The following ATRNL1 variants were observed in gnomAD, a reference collection of about 807,000 sequenced individuals.
The protein encoded by ATRNL1 is attractin like 1, also known as attractin-like protein 1.
ATRNL1 carries 95 observed loss-of-function variants against 182.7 expected under a neutral mutation model. That is an observed-to-expected ratio of 0.52 (90% CI 0.44 to 0.62). The LOEUF is 0.62. ATRNL1 is among the 20% of genes least tolerant of loss of function. The probability of loss-of-function intolerance (pLI) is 0.00; values close to 1 mark genes in which losing one functional copy is unlikely to be tolerated. For synonymous variants in ATRNL1, 576 were observed against 568.3 expected, an observed-to-expected ratio of 1.01 and a Z score of -0.19; for missense variants, 1,471 against 1,679.5, an observed-to-expected ratio of 0.88 and a Z score of 2.17.
At chr10:115,937,568 G>A (rs951921115) in intron 28 of ATRNL1, among the ~76,000 whole-genome samples, 2 of 152,202 alleles carry the variant, frequency 1.3e-5, no homozygotes, top group Non-Finnish European at 2.9e-5. Flanking sequence ...GCATATTGGC[G>A]AGGGTGGCCA....
intron 26 of ATRNL1, among the ~76,000 whole-genome samples, chr10:115,646,812 A>G (rs910118916): frequency 1.1e-4 from 17 of 151,750 alleles, no homozygotes; most frequent in African/African-American, 3.9e-4. Context: ...TTTTTATTAT[A>G]CTTTAAGTTC....
intron 21 of ATRNL1, among the ~76,000 whole-genome samples, chr10:115,459,636 C>A (rs1435875498): frequency 6.6e-6 from 1 of 152,142 alleles, no homozygotes; most frequent in East Asian, 1.9e-4. Context: ...ACTTCATTAG[C>A]AATTTTAATT....
chr10:115,565,507 T>G (rs1854022387), intron 26 of ATRNL1, among the ~76,000 whole-genome samples: 1 of 152,110 alleles, frequency 6.6e-6, no homozygotes, highest in Non-Finnish European at 1.5e-5. Flanking sequence ...GTTATTGTGT[T>G]GAGTAATGGT....
At position 115,944,973 on chromosome 10, in the gene ATRNL1, G is replaced by A; in HGVS notation, c.*194G>A. The A allele has an allele frequency of 2.0e-6, 1 of 492,034 alleles. No individual in the cohort carries two copies. The allele number at this position is 492,034 out of a possible 1,614,324, so 30.5% of individuals were successfully genotyped here. ...TTTTATAAAAGTATTGATGGTCACA[G>A]GTGATAAAGTCAGTTTTTACCACTA... On this transcript the variant is annotated 3_prime_UTR_variant, in exon 29 of 29. Coordinates refer to ENST00000355044, the MANE Select transcript of ATRNL1 (RefSeq NM_207303.4).
At chr10:115,867,730 A>AT (rs59623583) in intron 28 of ATRNL1, among the ~76,000 whole-genome samples, 75,686 of 138,048 alleles carry the variant, frequency 0.55, 20,679 homozygotes, top group East Asian at 0.74. Flanking sequence ...CACCCTGTGA[A>AT]TTTTTTTTTT....
intron 8 of ATRNL1, among the ~76,000 whole-genome samples, chr10:115,172,787 C>G (rs180899902): frequency 3.3e-5 from 5 of 151,752 alleles, no homozygotes; most frequent in Admixed American, 3.3e-4. Context: ...TCTAGCCCTA[C>G]CCATACTTCT....
Position 115,150,860 on chromosome 10 carries a change from C to T in ATRNL1, c.830-9180C>T, listed in dbSNP as rs1846192579. ...TTTACATTAGGTATATCTCCTAATG[C>T]TATCCCTCCCTGCTCCCCCCACCCC... On this transcript the variant is annotated intron_variant, in intron 5 of 28. Coordinates refer to ENST00000355044, the MANE Select transcript of ATRNL1 (RefSeq NM_207303.4). Among the ~76,000 whole-genome samples, 3 of 152,138 alleles carry T rather than the reference C, an allele frequency of 2.0e-5. No individual in the cohort carries two copies. In the South Asian group the frequency reaches 6.2e-4, roughly 31 times the overall value.
intron 26 of ATRNL1, among the ~76,000 whole-genome samples, chr10:115,592,800 T>G (rs1461800205): frequency 6.6e-6 from 1 of 152,226 alleles, no homozygotes; most frequent in Non-Finnish European, 1.5e-5. Flanking sequence ...AAAACATAAT[T>G]GCTTTTGTTG....
chr10:115,600,215 GT>G (rs1163671313), intron 26 of ATRNL1, among the ~76,000 whole-genome samples: 1 of 135,022 alleles, frequency 7.4e-6, no homozygotes, highest in Non-Finnish European at 1.6e-5. Context: ...TGTTATGAAT[GT>G]TTGTTTAGAA....
At chr10:115,105,405 T>TGACAATGATA (rs1209693424) in intron 1 of ATRNL1, among the ~76,000 whole-genome samples, 1 of 152,174 alleles carries the variant, frequency 6.6e-6, no homozygotes, top group African/African-American at 2.4e-5. Context: ...ATGTACAGCC[T>TGACAATGATA]GACAATGATA....
chr10:115,158,948 T>C (rs1846650006), intron 5 of ATRNL1, among the ~76,000 whole-genome samples: 1 of 151,786 alleles, frequency 6.6e-6, no homozygotes. Context: ...GGTAAATGAT[T>C]ATATGCCATA....
chr10:115,452,741 A>G (rs1554967912), intron 21 of ATRNL1, among the ~76,000 whole-genome samples: 1 of 152,184 alleles, frequency 6.6e-6, no homozygotes, highest in African/African-American at 2.4e-5. Flanking sequence ...AAAAATATAC[A>G]ATACAGTATT....
At chr10:115,915,224 C>T (rs1555116890) in intron 28 of ATRNL1, among the ~76,000 whole-genome samples, 1 of 151,912 alleles carries the variant, frequency 6.6e-6, no homozygotes, top group African/African-American at 2.4e-5. Context: ...TGTGAAAGCC[C>T]GTCTCTACTA....
intron 26 of ATRNL1, among the ~76,000 whole-genome samples, chr10:115,579,833 T>C (rs1555006615): frequency 1.3e-5 from 2 of 151,950 alleles, no homozygotes; most frequent in African/African-American, 4.8e-5. Flanking sequence ...TTTTTTATTG[T>C]TTGTATTGCT....
At chr10:115,577,935 G>A (rs548740356) in intron 26 of ATRNL1, among the ~76,000 whole-genome samples, 3 of 151,260 alleles carry the variant, frequency 2.0e-5, no homozygotes, top group African/African-American at 7.3e-5. Context: ...TTCTGTACCT[G>A]TTTCTTTAAT....
At chr10:115,249,989 T>A (rs1554905065) in intron 10 of ATRNL1, among the ~76,000 whole-genome samples, 1 of 152,216 alleles carries the variant, frequency 6.6e-6, no homozygotes, top group East Asian at 1.9e-4. Flanking sequence ...TTAAGGCATT[T>A]GATTTATGCC....
intron 28 of ATRNL1, among the ~76,000 whole-genome samples, chr10:115,862,022 C>G (rs1278663404): frequency 6.6e-6 from 1 of 152,160 alleles, no homozygotes; most frequent in African/African-American, 2.4e-5. Context: ...GCCCTTACCA[C>G]TTTTCTTGAT....
chr10:115,096,585 A>G, intron 1 of ATRNL1: 1 of 923,476 alleles, frequency 1.1e-6, no homozygotes, highest in Non-Finnish European at 1.5e-6. Context: ...CAATCTTGGT[A>G]AGCAGGTGTC....
chr10:115,617,130 C>T (rs573540060), intron 26 of ATRNL1, among the ~76,000 whole-genome samples: 3 of 152,340 alleles, frequency 2.0e-5, no homozygotes, highest in South Asian at 2.1e-4. Context: ...GGCAGGGTTG[C>T]CCAAGACCTT....
Sources: gnomAD v4.1 joint callset for allele counts (sites outside exome capture counted in the v4.1 genomes callset) on GRCh38, gnomAD v4.1.1 for gene constraint, MANE v1.5 for transcripts, NCBI Gene and HGNC (gene_info 2026-07-23, HGNC 2026-07-21) for gene names.